The following PCGF6 variants were observed in gnomAD, a reference collection of about 807,000 sequenced individuals.
The protein encoded by PCGF6 is polycomb group RING finger protein 6.
In PCGF6, 24 loss-of-function variants were observed where a neutral mutation model predicts 45.5. The ratio of observed to expected loss-of-function variants is 0.53; its 90% CI spans 0.38 to 0.74. The LOEUF is 0.74. Ranked by LOEUF, PCGF6 falls within the 30% of genes least tolerant of loss-of-function variation. PCGF6 has a pLI of 0.00. For missense variants in PCGF6, 356 were observed against 443.2 expected, an observed-to-expected ratio of 0.80 and a Z score of 1.77; for synonymous variants, 152 against 162.1, an observed-to-expected ratio of 0.94 and a Z score of 0.47.
chr10:103,330,144 G>A (rs921236939), intron 7 of PCGF6, among the ~76,000 whole-genome samples: 13 of 151,556 alleles, frequency 8.6e-5, no homozygotes, highest in South Asian at 4.2e-4. Context: ...GCGCAATCTC[G>A]GCTCACTGCA....
At chr10:103,339,326 G>T (rs1044547439) in intron 6 of PCGF6, among the ~76,000 whole-genome samples, 3 of 152,100 alleles carry the variant, frequency 2.0e-5, no homozygotes, top group Admixed American at 2.0e-4. Flanking sequence ...GGAGGCAGAG[G>T]CTGCAGTAAC....
At position 103,347,438 on chromosome 10, in the gene PCGF6, C is replaced by T. The variant is rs1232097038; in HGVS notation, c.570G>A (p.Gln190=). The T allele has an allele frequency of 6.2e-7, 1 of 1,606,770 alleles. No homozygotes were observed. Among genetic ancestry groups the T allele is most frequent in the African/African-American group, 1.3e-5 (1 of 74,686 alleles). ...QPLYNIRLDR[Q]LQDIVYKLVI... ...CTAATTTGTACACTATGTCTTGTAA[C>T]TGTCGGTCCAACCTAATAAAAGGAA... The change falls in exon 4 of 10, where the codon CAG becomes CAA. Residue 190 remains glutamine, a synonymous_variant. Coordinates refer to ENST00000369847, the MANE Select transcript of PCGF6 (RefSeq NM_001011663.2).
chr10:103,344,760 G>C (rs1025121002), intron 6 of PCGF6, among the ~76,000 whole-genome samples: 2 of 151,900 alleles, frequency 1.3e-5, no homozygotes, highest in Non-Finnish European at 2.9e-5. Context: ...AGTAGAGACG[G>C]GGTTTCGCCA....
In PCGF6 at chr10:103,347,425, C is replaced by T; in HGVS notation, c.583G>A (p.Val195Met). ...IRLDRQLQDIVYKLVINLEER... is the reference protein window; with the variant it reads ...IRLDRQLQDIMYKLVINLEER... ...TCTAGATTGATCACTAATTTGTACACTATGTCTTGTAACTGTCGGTCCAAC... is the reference window on the plus strand; with the variant it reads ...TCTAGATTGATCACTAATTTGTACATTATGTCTTGTAACTGTCGGTCCAAC... The change falls in exon 4 of 10, where the codon GTG becomes ATG. Residue 195 changes from valine (V) to methionine (M), a missense_variant. Val to Met is a conservative substitution (Grantham distance 21). Transcript: ENST00000369847. 6.2e-7 allele frequency: 1 copy of T among 1,608,458 alleles called. No homozygotes were observed. Among genetic ancestry groups the T allele is most frequent in the Non-Finnish European group, 8.5e-7 (1 of 1,175,856 alleles).
intron 8 of PCGF6, among the ~76,000 whole-genome samples, chr10:103,322,623 C>T (rs574533119): frequency 5.9e-5 from 9 of 152,094 alleles, no homozygotes; most frequent in Admixed American, 5.2e-4. Flanking sequence ...GAGTTTGAGA[C>T]CAGCCTGGGC....
chr10:103,325,854 A>C (rs1279880293), intron 8 of PCGF6, among the ~76,000 whole-genome samples: 2 of 43,130 alleles, frequency 4.6e-5, no homozygotes, highest in Non-Finnish European at 1.0e-4. Context: ...GCATCTCTTA[A>C]AAAAAAAAAA....
At chr10:103,336,845 A>T (rs188271050) in intron 6 of PCGF6, among the ~76,000 whole-genome samples, 10 of 152,316 alleles carry the variant, frequency 6.6e-5, no homozygotes, top group South Asian at 2.1e-4. Context: ...ACTGCACTCC[A>T]GCCTGGGTGA....
chr10:103,326,563 T>G lies in PCGF6; in HGVS notation c.880A>C (p.Arg294=), dbSNP rs1331412719. ...TIGHVEKFLR[R]KMGLDPACQV... ...CAAGCTGGATCAAGACCCATTTTTC[T>G]TCTGAGGAATTTTTCTACATGTCCA... The change falls in exon 8 of 10, where the codon AGA becomes CGA. Residue 294 remains arginine (R), a synonymous_variant. Coordinates refer to ENST00000369847, the MANE Select transcript of PCGF6 (RefSeq NM_001011663.2). 1 of 1,612,056 alleles carries G rather than the reference T, an allele frequency of 6.2e-7. No individual in the cohort carries two copies. Among genetic ancestry groups the G allele is most frequent in the Non-Finnish European group, 8.5e-7 (1 of 1,179,680 alleles).
chr10:103,311,193 G>A (rs2093156048), intron 9 of PCGF6, among the ~76,000 whole-genome samples: 1 of 152,116 alleles, frequency 6.6e-6, no homozygotes, highest in Non-Finnish European at 1.5e-5. Context: ...CCAGGCTGAT[G>A]TGCAGTAGTG....
chr10:103,350,836 G>T lies in PCGF6; in HGVS notation c.231C>A (p.Phe77Leu). Residue 77 changes from phenylalanine to leucine, a missense_variant, in exon 1 of 10, where the codon TTC (phenylalanine) becomes TTA (leucine). Phe to Leu is a conservative substitution (Grantham distance 22, BLOSUM62 0). This residue lies in a region of PCGF6 where 307 missense variants were observed against 350.1 expected (regional missense o/e 0.88). Transcript: ENST00000369847. Reference sequence around the variant, plus strand: ...CTTCCAACTCCTCGTCCTCGTCCTCGAAGCGGCCTCTGAAGCGGCCCAGGC... The same window carrying T: ...CTTCCAACTCCTCGTCCTCGTCCTCTAAGCGGCCTCTGAAGCGGCCCAGGC... ...ERSLGRFRGR[F>L]EDEDEELEEE... is the part of the protein sequence containing the mutation. The T allele has an allele frequency of 6.5e-7, 1 of 1,546,138 alleles. No homozygotes were observed. Among genetic ancestry groups the T allele is most frequent in the Non-Finnish European group, 8.7e-7 (1 of 1,145,352 alleles).
At position 103,341,533 on chromosome 10, in the gene PCGF6, G is replaced by A. The variant is rs777268829; in HGVS notation, c.782+3491C>T. Among the ~76,000 whole-genome samples the A allele has an allele frequency of 4.0e-5, 6 of 151,194 alleles. No individual in the cohort carries two copies. The South Asian group carries it at 6.3e-4, about 16-fold the overall frequency. The stretch of plus-strand genomic sequence containing the variant: ...CGGCTCACTGCAACCTCCGCCTCTC[G>A]GATTCAAGTGATTCTCCTCCCTCAG... On this transcript the variant is annotated intron_variant, in intron 6 of 9. Coordinates refer to ENST00000369847, the MANE Select transcript of PCGF6 (RefSeq NM_001011663.2).
intron 9 of PCGF6, among the ~76,000 whole-genome samples, chr10:103,309,031 A>C (rs1825903487): frequency 6.6e-6 from 1 of 152,156 alleles, no homozygotes; most frequent in East Asian, 1.9e-4. Flanking sequence ...GTATCTTGGA[A>C]GTAACTAACT....
At chr10:103,305,044 C>T (rs1564720884) in intron 9 of PCGF6, among the ~76,000 whole-genome samples, 1 of 152,038 alleles carries the variant, frequency 6.6e-6, no homozygotes, top group Non-Finnish European at 1.5e-5. Context: ...CTCACTGTAG[C>T]CTCAATCTCC....
intron 8 of PCGF6, among the ~76,000 whole-genome samples, chr10:103,320,881 A>G (rs1485625673): frequency 1.3e-5 from 2 of 151,598 alleles, no homozygotes; most frequent in Non-Finnish European, 3.0e-5. Flanking sequence ...ACTGGTTCAA[A>G]GAAAGTCAGC....
At chr10:103,322,952 C>T (rs182467410) in intron 8 of PCGF6, among the ~76,000 whole-genome samples, 83 of 150,996 alleles carry the variant, frequency 5.5e-4, no homozygotes, top group Middle Eastern at 3.4e-3. Flanking sequence ...CACACAGACA[C>T]ATAAATAGCC....
intron 9 of PCGF6, among the ~76,000 whole-genome samples, chr10:103,306,040 T>G (rs2133551189): frequency 6.6e-6 from 1 of 152,296 alleles, no homozygotes; most frequent in South Asian, 2.1e-4. Context: ...TTCTATCTCC[T>G]TTCTTGATAC....
intron 7 of PCGF6, among the ~76,000 whole-genome samples, chr10:103,327,876 ACTG>A (rs2093225115): frequency 6.8e-6 from 1 of 146,452 alleles, no homozygotes; most frequent in Non-Finnish European, 1.5e-5. Flanking sequence ...ATAGGGTTTC[ACTG>A]TTAGCCAGCA....
intron 6 of PCGF6, among the ~76,000 whole-genome samples, chr10:103,337,610 G>A (rs992705621): frequency 1.3e-5 from 2 of 152,020 alleles, no homozygotes; most frequent in Non-Finnish European, 2.9e-5. Flanking sequence ...AGAAACTATA[G>A]AACAAAAAGG....
intron 9 of PCGF6, among the ~76,000 whole-genome samples, chr10:103,310,111 C>T (rs771267058): frequency 9.9e-5 from 15 of 151,606 alleles, no homozygotes; most frequent in Admixed American, 7.3e-4. Flanking sequence ...CCACCATGCC[C>T]GGCTAATTTT....
Sources: allele counts gnomAD v4.1 joint callset (sites outside exome capture counted in the v4.1 genomes callset), GRCh38; gene constraint gnomAD v4.1.1; regional missense constraint gnomAD v4.1.1; transcripts MANE v1.5; gene names NCBI Gene and HGNC (gene_info 2026-07-23, HGNC 2026-07-21).